The following WDR70 variants were observed in gnomAD, a reference collection of about 807,000 sequenced individuals.
WDR70 encodes the protein WD repeat-containing protein 70.
In WDR70, 53 loss-of-function variants were observed where a neutral mutation model predicts 88.6. The ratio of observed to expected loss-of-function variants is 0.60; its 90% CI spans 0.48 to 0.75. WDR70 has a LOEUF of 0.75. Among genes scored for constraint, WDR70 ranks in the 30% least tolerant of loss-of-function variants. The probability of loss-of-function intolerance (pLI) is 0.00; values close to 1 mark genes in which losing one functional copy is unlikely to be tolerated. For missense variants in WDR70, 610 were observed against 823.2 expected, an observed-to-expected ratio of 0.74 and a Z score of 3.17; for synonymous variants, 280 against 270.0, an observed-to-expected ratio of 1.04 and a Z score of -0.36.
chr5:37,690,590 T>C (rs2112635651), intron 10 of WDR70, among the ~76,000 whole-genome samples: 1 of 152,328 alleles, frequency 6.6e-6, no homozygotes, highest in South Asian at 2.1e-4. Flanking sequence ...CAACCCAGAA[T>C]TTCATATCCA....
intron 9 of WDR70, among the ~76,000 whole-genome samples, chr5:37,599,457 T>A (rs1000692443): frequency 6.6e-6 from 1 of 152,244 alleles, no homozygotes; most frequent in Non-Finnish European, 1.5e-5. Context: ...GACTTAGGAA[T>A]GAATGCTGCA....
At chr5:37,600,797 G>A (rs1743859071) in intron 9 of WDR70, among the ~76,000 whole-genome samples, 1 of 122,070 alleles carries the variant, frequency 8.2e-6, no homozygotes, top group Admixed American at 8.7e-5. Context: ...CATATTACAG[G>A]TACAAATGTA....
At chr5:37,431,271 T>A (rs1007195574) in intron 5 of WDR70, among the ~76,000 whole-genome samples, 3 of 152,206 alleles carry the variant, frequency 2.0e-5, no homozygotes, top group African/African-American at 7.2e-5. Flanking sequence ...AATAAATATT[T>A]ATTGAATAGT....
At chr5:37,685,170 C>T (rs76199132) in intron 10 of WDR70, among the ~76,000 whole-genome samples, 4,898 of 152,142 alleles carry the variant, frequency 0.032, 273 homozygotes, top group African/African-American at 0.11. Flanking sequence ...CACCAAGGCA[C>T]TGACTGCAAT....
intron 10 of WDR70, among the ~76,000 whole-genome samples, chr5:37,635,698 A>G (rs1019797033): frequency 6.6e-6 from 1 of 152,184 alleles, no homozygotes; most frequent in Non-Finnish European, 1.5e-5. Context: ...ATAATTGACA[A>G]AGGAATTAAG....
intron 5 of WDR70, among the ~76,000 whole-genome samples, chr5:37,397,446 G>A (rs1438252999): frequency 3.4e-5 from 5 of 145,668 alleles, no homozygotes; most frequent in African/African-American, 1.3e-4. Flanking sequence ...GCCAGCCTGG[G>A]CAATAAGAGC....
chr5:37,396,885 G>A (rs748362125), intron 5 of WDR70, among the ~76,000 whole-genome samples: 20 of 152,322 alleles, frequency 1.3e-4, no homozygotes, highest in African/African-American at 3.8e-4. Context: ...GCTCACACCC[G>A]TAATCCCGGC....
At chr5:37,752,344 C>A in intron 17 of WDR70, 142 bp from the exon 18 acceptor site, 1 of 595,104 alleles carries the variant, frequency 1.7e-6, no homozygotes, top group Non-Finnish European at 2.9e-6. Context: ...TTTTCTTTGC[C>A]AGAAGTTTAA....
intron 13 of WDR70, among the ~76,000 whole-genome samples, chr5:37,719,300 G>A (rs975775783): frequency 4.0e-5 from 6 of 151,178 alleles, no homozygotes; most frequent in Non-Finnish European, 8.8e-5. Flanking sequence ...ACTTTTATAT[G>A]TATGCATTAT....
At chr5:37,655,950 A>G (rs763164873) in intron 10 of WDR70, among the ~76,000 whole-genome samples, 1 of 151,960 alleles carries the variant, frequency 6.6e-6, no homozygotes, top group Non-Finnish European at 1.5e-5. Context: ...CAACTTGTCA[A>G]ACTTATTCTC....
At chr5:37,571,835 G>T (rs1259347053) in intron 9 of WDR70, among the ~76,000 whole-genome samples, 5 of 152,022 alleles carry the variant, frequency 3.3e-5, no homozygotes, top group Admixed American at 2.0e-4. Context: ...TTGATTATTT[G>T]TTGTGCCTCT....
chr5:37,438,077 C>T (rs545736844), intron 6 of WDR70, 96 bp downstream of exon 6: 1 of 1,002,082 alleles, frequency 1.0e-6, no homozygotes, highest in Admixed American at 2.8e-5. Context: ...GCTAATTATA[C>T]AATCAACTGA....
Position 37,553,552 on chromosome 5 carries a change from G to T in WDR70, c.917+36962G>T, listed in dbSNP as rs572291529. 1.2e-4 allele frequency among the ~76,000 whole-genome samples: 18 copies of T among 152,276 alleles called. 1 individual carries two copies. The highest frequency in any genetic ancestry group is 3.3e-4 in the Admixed American group (5 of 15,300). ...CTGTTTCCTGAAGTTTTTGTTTCAG[G>T]TGTGTATGTGTCTGTGCGTGCGCAT... is the stretch of plus-strand genomic sequence containing the variant. On this transcript the variant is annotated intron_variant, in intron 9 of 17. Coordinates refer to ENST00000265107, the MANE Select transcript of WDR70 (RefSeq NM_018034.4).
chr5:37,421,417 T>C (rs1040402002), intron 5 of WDR70, among the ~76,000 whole-genome samples: 5 of 152,248 alleles, frequency 3.3e-5, no homozygotes, highest in Admixed American at 3.3e-4. Context: ...ATGTAAGCTG[T>C]GACGCTTGTA....
chr5:37,741,669 A>G (rs1388955114), intron 17 of WDR70, among the ~76,000 whole-genome samples: 4 of 152,188 alleles, frequency 2.6e-5, no homozygotes, highest in African/African-American at 9.7e-5. Flanking sequence ...TCACTCGCCC[A>G]CTGCTCATCT....
chr5:37,396,232 A>T, intron 4 of WDR70, 143 bp from the exon 5 acceptor site: 1 of 1,174,346 alleles, frequency 8.5e-7, no homozygotes, highest in Non-Finnish European at 1.1e-6. Flanking sequence ...TAAACATTTA[A>T]TGTTTGAACT....
intron 8 of WDR70, chr5:37,505,968 T>G (rs1041230184): frequency 9.6e-5 from 152 of 1,582,946 alleles, no homozygotes; most frequent in Non-Finnish European, 1.3e-4. Flanking sequence ...ACCAGAAAGA[T>G]CCTCAAAATT....
At chr5:37,591,571 A>G (rs943457372) in intron 9 of WDR70, among the ~76,000 whole-genome samples, 1 of 152,216 alleles carries the variant, frequency 6.6e-6, no homozygotes, top group Admixed American at 6.5e-5. Flanking sequence ...CCTTTCCACT[A>G]TGAAAACTCT....
At chr5:37,682,090 A>C (rs1746452987) in intron 10 of WDR70, among the ~76,000 whole-genome samples, 1 of 152,046 alleles carries the variant, frequency 6.6e-6, no homozygotes, top group Non-Finnish European at 1.5e-5. Flanking sequence ...GCTATTTATT[A>C]CTGGTTTATT....
Sources: allele counts gnomAD v4.1 joint callset (sites outside exome capture counted in the v4.1 genomes callset), GRCh38; gene constraint gnomAD v4.1.1; transcripts MANE v1.5; gene names NCBI Gene and HGNC (gene_info 2026-07-23, HGNC 2026-07-21).